The following COXFA4 variants were observed in gnomAD, a reference collection of about 807,000 sequenced individuals.
COXFA4 encodes cytochrome c oxidase subunit FA4.
the COXFA4 span, chr7:10,933,666 G>C: frequency 6.2e-7 from 1 of 1,610,578 alleles, no homozygotes; most frequent in Non-Finnish European, 8.5e-7. Flanking sequence ...TCTTCAGCTT[G>C]CTGTAATCCA....
the COXFA4 span, chr7:10,933,740 A>G: frequency 7.4e-7 from 1 of 1,343,280 alleles, no homozygotes; most frequent in Non-Finnish European, 1.1e-6. Context: ...ATACACAGAG[A>G]CGGTACAAAG....
At chr7:10,937,890 T>G in the COXFA4 span, 1 of 587,338 alleles carries the variant, frequency 1.7e-6, no homozygotes, top group Non-Finnish European at 3.0e-6. Context: ...CCTTCTTTTC[T>G]TATACTAGCA....
At chr7:10,934,325 T>C in the COXFA4 span, among the ~76,000 whole-genome samples, 3 of 150,676 alleles carry the variant, frequency 2.0e-5, no homozygotes, top group Non-Finnish European at 4.4e-5. Flanking sequence ...CAACATTTCT[T>C]TATAATCAAT....
chr7:10,934,376 TAA>T, the COXFA4 span, among the ~76,000 whole-genome samples: 16 of 126,972 alleles, frequency 1.3e-4, no homozygotes, highest in Non-Finnish European at 1.8e-4. Context: ...GTGATTGCTT[TAA>T]AAAAAAAAAA....
At chr7:10,935,925 CCTTA>C in the COXFA4 span, among the ~76,000 whole-genome samples, 1 of 152,096 alleles carries the variant, frequency 6.6e-6, no homozygotes, top group African/African-American at 2.4e-5. Context: ...AATAAGTAGC[CCTTA>C]CTTGTCAATT....
At chr7:10,934,737 A>C in the COXFA4 span, among the ~76,000 whole-genome samples, 3 of 150,446 alleles carry the variant, frequency 2.0e-5, no homozygotes, top group African/African-American at 7.5e-5. Flanking sequence ...TTTTACTGAC[A>C]AAAAAAATCC....
chr7:10,934,723 A>G, the COXFA4 span, among the ~76,000 whole-genome samples: 1 of 152,184 alleles, frequency 6.6e-6, no homozygotes, highest in African/African-American at 2.4e-5. Context: ...AAAACTCTTA[A>G]GTATTTTACT....
At chr7:10,939,936 C>G in the COXFA4 span, 1 of 1,500,100 alleles carries the variant, frequency 6.7e-7, no homozygotes, top group Middle Eastern at 1.7e-4. Flanking sequence ...TAAATGAGGA[C>G]GTTCCCAGGG....
At chr7:10,934,726 A>G in the COXFA4 span, among the ~76,000 whole-genome samples, 1 of 152,276 alleles carries the variant, frequency 6.6e-6, no homozygotes, top group East Asian at 1.9e-4. Flanking sequence ...ACTCTTAAGT[A>G]TTTTACTGAC....
the COXFA4 span, among the ~76,000 whole-genome samples, chr7:10,936,323 G>T: frequency 6.6e-6 from 1 of 152,148 alleles, no homozygotes; most frequent in Non-Finnish European, 1.5e-5. Context: ...GCCTCATATT[G>T]GCATGTGTTG....
At chr7:10,939,169 A>C in the COXFA4 span, 1 of 341,858 alleles carries the variant, frequency 2.9e-6, no homozygotes. Flanking sequence ...TACATTTTTA[A>C]ATTTCCAAGA....
the COXFA4 span, chr7:10,938,274 T>C: frequency 3.6e-6 from 3 of 841,530 alleles, no homozygotes; most frequent in Non-Finnish European, 3.8e-6. Flanking sequence ...TATTTCATTA[T>C]GAAGTTGAAA....
the COXFA4 span, among the ~76,000 whole-genome samples, chr7:10,935,101 G>C: frequency 6.6e-6 from 1 of 152,162 alleles, no homozygotes; most frequent in Admixed American, 6.5e-5. Context: ...TATAAAAGAG[G>C]TAATTGAGAT....
the COXFA4 span, chr7:10,938,290 A>C: frequency 2.8e-6 from 2 of 722,636 alleles, no homozygotes; most frequent in East Asian, 5.4e-5. Flanking sequence ...TGAAACAGGT[A>C]GAGGATCTAT....
At chr7:10,940,143 T>G in the COXFA4 span, 5 of 1,363,306 alleles carry the variant, frequency 3.7e-6, no homozygotes, top group Non-Finnish European at 5.2e-6. Context: ...AATGAGACAC[T>G]ACGGACTTCC....
At chr7:10,937,294 T>C in the COXFA4 span, among the ~76,000 whole-genome samples, 1 of 151,944 alleles carries the variant, frequency 6.6e-6, no homozygotes. Flanking sequence ...TTTTGGGTTT[T>C]TTTTTTTAGA....
chr7:10,938,282 A>G, the COXFA4 span: 2 of 765,052 alleles, frequency 2.6e-6, no homozygotes, highest in Non-Finnish European at 4.3e-6. Flanking sequence ...TATGAAGTTG[A>G]AACAGGTAGA....
chr7:10,933,635 T>C, the COXFA4 span: 4 of 1,608,466 alleles, frequency 2.5e-6, no homozygotes, highest in Non-Finnish European at 3.4e-6. Flanking sequence ...AAACATTTCA[T>C]TTAGAAATCT....
chr7:10,936,718 A>C, the COXFA4 span, among the ~76,000 whole-genome samples: 1 of 152,162 alleles, frequency 6.6e-6, no homozygotes, highest in Non-Finnish European at 1.5e-5. Context: ...GGAAAACGTG[A>C]AATCCACAAA....
Sources: allele counts gnomAD v4.1 joint callset (sites outside exome capture counted in the v4.1 genomes callset), GRCh38; gene constraint gnomAD v4.1.1; transcripts MANE v1.5; gene names NCBI Gene and HGNC (gene_info 2026-07-23, HGNC 2026-07-21).